The following TRPM3 variants were observed in gnomAD, a reference collection of about 807,000 sequenced individuals.
The protein encoded by TRPM3 is long transient receptor potential channel 3.
Under a neutral mutation model 181.2 loss-of-function variants are expected in TRPM3, and 77 were observed. That is an observed-to-expected ratio of 0.42 (90% confidence interval 0.35 to 0.51). The LOEUF (loss-of-function observed/expected upper bound fraction) is 0.51. Among genes scored for constraint, TRPM3 ranks in the 20% least tolerant of loss-of-function variants. The pLI, the probability that TRPM3 is intolerant of heterozygous loss-of-function variation, is 0.01. For missense variants in TRPM3, 1,759 were observed against 2,196.7 expected (o/e 0.80, Z 3.98); for synonymous variants, 745 against 796.4 (o/e 0.94, Z 1.09).
intron 1 of TRPM3, among the ~76,000 whole-genome samples, chr9:71,268,474 G>A (rs2132113416): frequency 6.6e-6 from 1 of 152,214 alleles, no homozygotes; most frequent in African/African-American, 2.4e-5. Context: ...ATAGTACTTA[G>A]AACACAATGC....
chr9:71,190,322 T>C (rs1359605688), intron 1 of TRPM3, among the ~76,000 whole-genome samples: 1 of 151,906 alleles, frequency 6.6e-6, no homozygotes, highest in Non-Finnish European at 1.5e-5. Context: ...CTTGTACAAA[T>C]ACCTAAGTAA....
intron 1 of TRPM3, among the ~76,000 whole-genome samples, chr9:70,888,520 T>C (rs2096134512): frequency 2.0e-5 from 3 of 152,278 alleles, no homozygotes; most frequent in Middle Eastern, 6.8e-3. Context: ...AGGGTTTTAC[T>C]CTTGAATTTA....
chr9:71,221,278 AT>A (rs1312442137), intron 1 of TRPM3, among the ~76,000 whole-genome samples: 1 of 152,182 alleles, frequency 6.6e-6, no homozygotes, highest in Non-Finnish European at 1.5e-5. Flanking sequence ...CAATCTGGAC[AT>A]TTACTGGAAA....
At chr9:71,434,350 G>T (rs118029458) in intron 1 of TRPM3, among the ~76,000 whole-genome samples, 1 of 152,048 alleles carries the variant, frequency 6.6e-6, no homozygotes, top group Non-Finnish European at 1.5e-5. Context: ...GTTCCACTAC[G>T]TAAGAACACA....
At chr9:71,419,330 A>G (rs1188551318) in intron 1 of TRPM3, among the ~76,000 whole-genome samples, 7 of 151,964 alleles carry the variant, frequency 4.6e-5, no homozygotes, top group African/African-American at 1.7e-4. Context: ...AGGATGAAGA[A>G]AACAAATGGC....
At chr9:71,264,869 G>A (rs2083283260) in intron 1 of TRPM3, among the ~76,000 whole-genome samples, 1 of 152,108 alleles carries the variant, frequency 6.6e-6, no homozygotes, top group African/African-American at 2.4e-5. Context: ...TCCCAAAGCA[G>A]AGCATTTCTA....
At chr9:71,184,024 C>A (rs962254970) in intron 1 of TRPM3, among the ~76,000 whole-genome samples, 2 of 152,064 alleles carry the variant, frequency 1.3e-5, no homozygotes, top group Non-Finnish European at 2.9e-5. Context: ...TCTCTCACAC[C>A]CTTGCCAGGA....
chr9:70,776,796 G>A (rs2081445000), intron 7 of TRPM3, among the ~76,000 whole-genome samples: 3 of 152,192 alleles, frequency 2.0e-5, no homozygotes, highest in South Asian at 2.1e-4. Flanking sequence ...TGACTTGTGA[G>A]GAGAATGCAG....
At chr9:70,638,951 C>T in intron 11 of TRPM3, 109 bp downstream of exon 11, 1 of 1,244,748 alleles carries the variant, frequency 8.0e-7, no homozygotes, top group Non-Finnish European at 1.1e-6. Context: ...ATGAATGAAC[C>T]ATGCATTTGG....
chr9:70,891,390 T>C (rs1289634430), intron 1 of TRPM3, among the ~76,000 whole-genome samples: 6 of 151,926 alleles, frequency 3.9e-5, no homozygotes, highest in African/African-American at 9.7e-5. Flanking sequence ...ACATGCAAAA[T>C]GAAAAAAGCA....
At chr9:70,841,660 A>ATATATC (rs2094661951) in intron 5 of TRPM3, among the ~76,000 whole-genome samples, 1 of 103,668 alleles carries the variant, frequency 9.6e-6, no homozygotes, top group Admixed American at 1.0e-4. Flanking sequence ...ATATATATAT[A>ATATATC]TCCCACCATA....
At chr9:70,783,677 C>A (rs1451266183) in intron 7 of TRPM3, among the ~76,000 whole-genome samples, 1 of 152,140 alleles carries the variant, frequency 6.6e-6, no homozygotes, top group Non-Finnish European at 1.5e-5. Context: ...CTTCGCAATG[C>A]TGGTGTTTGG....
At chr9:70,656,447 G>A (rs923068521) in intron 9 of TRPM3, among the ~76,000 whole-genome samples, 6 of 152,210 alleles carry the variant, frequency 3.9e-5, no homozygotes, top group Non-Finnish European at 8.8e-5. Context: ...TTGTTTCAAA[G>A]CTAAACTATA....
In TRPM3 at chr9:70,911,467, C is replaced by G. The variant is rs866492038; in HGVS notation, c.178-46956G>C. ...AAACTTGATAACACCAAAATGAACC[C>G]TCTTACAAATTTTCTATTTCTATAT... On this transcript the variant is annotated intron_variant, in intron 1 of 25. Coordinates refer to ENST00000677713, the MANE Select transcript of TRPM3 (RefSeq NM_001366145.2). Among the ~76,000 whole-genome samples the G allele has an allele frequency of 6.6e-5, 10 of 152,248 alleles. No homozygotes were observed. In the Middle Eastern group the frequency reaches 0.017, roughly 259 times the overall value.
intron 1 of TRPM3, among the ~76,000 whole-genome samples, chr9:71,174,542 CA>C (rs200821091): frequency 5.6e-5 from 8 of 142,136 alleles, no homozygotes; most frequent in Admixed American, 1.4e-4. Flanking sequence ...ACTCCATCTC[CA>C]AAAAAAAAAG....
chr9:71,105,112 G>C (rs530409697), intron 1 of TRPM3, among the ~76,000 whole-genome samples: 163 of 152,306 alleles, frequency 1.1e-3, no homozygotes, highest in African/African-American at 3.9e-3. Context: ...CAGCTATGCT[G>C]TATTCATACA....
chr9:70,951,413 C>T (rs530699734), intron 1 of TRPM3, among the ~76,000 whole-genome samples: 1 of 152,266 alleles, frequency 6.6e-6, no homozygotes, highest in African/African-American at 2.4e-5. Flanking sequence ...GCAATCTCGG[C>T]TCACTGCAAC....
At chr9:71,022,353 T>C (rs2097853801) in intron 1 of TRPM3, among the ~76,000 whole-genome samples, 1 of 152,082 alleles carries the variant, frequency 6.6e-6, no homozygotes, top group Non-Finnish European at 1.5e-5. Context: ...AGAAAATAAA[T>C]ACATGAACTT....
intron 1 of TRPM3, among the ~76,000 whole-genome samples, chr9:71,302,180 G>GAA (rs11398353): frequency 6.6e-5 from 10 of 151,612 alleles, no homozygotes; most frequent in Admixed American, 3.3e-4. Context: ...TTACACATTT[G>GAA]AAAAAAAATC....
Sources: allele counts gnomAD v4.1 joint callset (sites outside exome capture counted in the v4.1 genomes callset), GRCh38; gene constraint gnomAD v4.1.1; transcripts MANE v1.5; gene names NCBI Gene and HGNC (gene_info 2026-07-23, HGNC 2026-07-21).